AMPH: variants seen among roughly 807,000 people sequenced by gnomAD.
The protein encoded by AMPH is amphiphysin.
AMPH carries 49 observed loss-of-function variants against 99.1 expected under a neutral mutation model. That is an observed-to-expected ratio of 0.49 (90% CI 0.39 to 0.63). The LOEUF (loss-of-function observed/expected upper bound fraction) is 0.63, where lower values mean the gene tolerates loss of function less well. Among genes scored for constraint, AMPH ranks in the 20% least tolerant of loss-of-function variants. AMPH has a pLI of 0.00. For synonymous variants in AMPH, 314 were observed against 317.3 expected (o/e 0.99, Z 0.11); for missense variants, 759 against 863.4 (o/e 0.88, Z 1.52).
intron 7 of AMPH, among the ~76,000 whole-genome samples, chr7:38,471,745 G>A (rs1395337894): frequency 6.6e-6 from 1 of 152,070 alleles, no homozygotes; most frequent in Non-Finnish European, 1.5e-5. Flanking sequence ...CTGCCTACAA[G>A]AGACACAATT....
At chr7:38,628,266 TA>T (rs968473138) in intron 1 of AMPH, among the ~76,000 whole-genome samples, 4 of 152,350 alleles carry the variant, frequency 2.6e-5, no homozygotes, top group Non-Finnish European at 5.9e-5. Flanking sequence ...AACATTGTTT[TA>T]AATTTTATTA....
chr7:38,436,468 T>G (rs1362154224), intron 11 of AMPH, 80 bp from the exon 12 acceptor site: 35 of 1,017,298 alleles, frequency 3.4e-5, no homozygotes, highest in Non-Finnish European at 5.2e-5. Flanking sequence ...CCATGTATAC[T>G]CTCTCTAATA....
intron 11 of AMPH, among the ~76,000 whole-genome samples, chr7:38,448,893 G>GT (rs1010994220): frequency 6.6e-6 from 1 of 152,110 alleles, no homozygotes; most frequent in African/African-American, 2.4e-5. Context: ...TTTTGACTTT[G>GT]TTTTTTATTA....
chr7:38,534,389 G>A (rs887379809), intron 2 of AMPH, among the ~76,000 whole-genome samples: 1 of 152,146 alleles, frequency 6.6e-6, no homozygotes, highest in Non-Finnish European at 1.5e-5. Flanking sequence ...ACAGTGGTCG[G>A]AGACCGGGCC....
intron 1 of AMPH, among the ~76,000 whole-genome samples, chr7:38,604,343 G>A (rs1793356732): frequency 6.6e-6 from 1 of 152,228 alleles, no homozygotes; most frequent in East Asian, 1.9e-4. Flanking sequence ...CAAGAGCAAA[G>A]GACAAGGTGA....
chr7:38,437,775 G>C (rs1786338787), intron 11 of AMPH, among the ~76,000 whole-genome samples: 2 of 151,918 alleles, frequency 1.3e-5, no homozygotes, highest in African/African-American at 2.4e-5. Flanking sequence ...CTGCACTCCA[G>C]CCTGGGTGAT....
chr7:38,586,170 TATGAAAATTTTCATC>T (rs1470113221), intron 1 of AMPH, among the ~76,000 whole-genome samples: 1 of 152,188 alleles, frequency 6.6e-6, no homozygotes, highest in African/African-American at 2.4e-5. Context: ...TTTGTTTAAA[TATGAAAATTTTCATC>T]GTGGAAATTT....
At position 38,571,134 on chromosome 7, in the gene AMPH, TA is replaced by T. The variant is rs1791973479; in HGVS notation, c.70-36124del. ...TATATACAGTATATATGAATATATA[TA>T]TTTTTATATATTTATGAATATATAT... On this transcript the variant is annotated intron_variant, in intron 1 of 20. Transcript: ENST00000356264. Among the ~76,000 whole-genome samples, 2 of 67,274 alleles carry T rather than the reference TA, an allele frequency of 3.0e-5. 1 individual carries two copies. The highest frequency in any genetic ancestry group is 5.4e-5 in the Non-Finnish European group (2 of 36,732). 44.1% of individuals were successfully genotyped at this position (67,274 alleles called of 152,430 possible).
chr7:38,587,037 AC>A (rs1792679429), intron 1 of AMPH, among the ~76,000 whole-genome samples: 6 of 136,822 alleles, frequency 4.4e-5, no homozygotes, highest in Admixed American at 2.2e-4. Context: ...ACACACACAC[AC>A]ATAAAATCCA....
chr7:38,389,690 A>T (rs1375419986), intron 20 of AMPH, 114 bp downstream of exon 20: 3 of 835,696 alleles, frequency 3.6e-6, no homozygotes, highest in Non-Finnish European at 3.9e-6. Flanking sequence ...AGCCCTTTTC[A>T]GATGGCTTGT....
chr7:38,477,689 TAACAACAACAAC>T (rs367715923), intron 5 of AMPH, among the ~76,000 whole-genome samples: 1 of 151,774 alleles, frequency 6.6e-6, no homozygotes, highest in East Asian at 1.9e-4. Flanking sequence ...CATTTCCTCT[TAACAACAACAAC>T]AACAACAACC....
intron 2 of AMPH, among the ~76,000 whole-genome samples, chr7:38,505,437 C>G (rs923211066): frequency 2.6e-5 from 4 of 152,128 alleles, no homozygotes; most frequent in African/African-American, 9.7e-5. Context: ...GAACTTCAAA[C>G]AGAATGGTTC....
intron 2 of AMPH, among the ~76,000 whole-genome samples, chr7:38,520,497 A>AAGT (rs1280675955): frequency 6.6e-6 from 1 of 152,238 alleles, no homozygotes; most frequent in African/African-American, 2.4e-5. Flanking sequence ...GGCACCTAGC[A>AAGT]AGTACTAGAA....
At chr7:38,583,265 T>C (rs1054646519) in intron 1 of AMPH, among the ~76,000 whole-genome samples, 1 of 152,228 alleles carries the variant, frequency 6.6e-6, no homozygotes, top group Non-Finnish European at 1.5e-5. Context: ...TTTGGCAACA[T>C]ACTTGACACC....
intron 2 of AMPH, among the ~76,000 whole-genome samples, chr7:38,516,335 G>A (rs929458225): frequency 1.3e-5 from 2 of 152,186 alleles, no homozygotes; most frequent in African/African-American, 4.8e-5. Flanking sequence ...TCGGGACACT[G>A]CTCCATGCAT....
At chr7:38,465,440 C>G (rs376756928) in intron 9 of AMPH, 27 bp downstream of exon 9, 1 of 1,550,460 alleles carries the variant, frequency 6.4e-7, no homozygotes, top group Admixed American at 1.9e-5. Flanking sequence ...CAGGACATTA[C>G]AGGTGCTCCA....
At chr7:38,584,103 AT>A (rs1792561651) in intron 1 of AMPH, among the ~76,000 whole-genome samples, 1 of 152,146 alleles carries the variant, frequency 6.6e-6, no homozygotes, top group South Asian at 2.1e-4. Flanking sequence ...TTAAGAGCCC[AT>A]TTGTTTTTAT....
chr7:38,423,699 C>T (rs566724840), intron 15 of AMPH, among the ~76,000 whole-genome samples: 19 of 152,140 alleles, frequency 1.2e-4, no homozygotes, highest in Non-Finnish European at 2.5e-4. Flanking sequence ...CAAATCAGTC[C>T]GATTTGTTCC....
At chr7:38,565,068 G>A (rs1182608708) in intron 1 of AMPH, among the ~76,000 whole-genome samples, 2 of 150,418 alleles carry the variant, frequency 1.3e-5, no homozygotes, top group Admixed American at 6.6e-5. Context: ...AGTTTGCAGT[G>A]AGCCGAGATC....
Sources: allele counts gnomAD v4.1 joint callset (sites outside exome capture counted in the v4.1 genomes callset), GRCh38; gene constraint gnomAD v4.1.1; transcripts MANE v1.5; gene names NCBI Gene and HGNC (gene_info 2026-07-23, HGNC 2026-07-21).